The following TBXAS1 variants were observed in gnomAD, a reference collection of about 807,000 sequenced individuals.
TBXAS1 encodes thromboxane-A synthase.
A neutral mutation model predicts 60.7 loss-of-function variants in TBXAS1; 48 were observed. The observed-to-expected ratio is 0.79, with a 90% CI of 0.63 to 1.01. TBXAS1 has a LOEUF of 1.01. Ranked by LOEUF, TBXAS1 falls within the 50% of genes least tolerant of loss-of-function variation. The probability of loss-of-function intolerance (pLI) is 0.00; values close to 1 mark genes in which losing one functional copy is unlikely to be tolerated. For synonymous variants in TBXAS1, 287 were observed against 269.7 expected (o/e 1.06, Z -0.63); for missense variants, 685 against 686.3 (o/e 1.00, Z 0.02).
chr7:139,892,511 T>A (rs1803703172), intron 3 of TBXAS1, among the ~76,000 whole-genome samples: 1 of 152,056 alleles, frequency 6.6e-6, no homozygotes, highest in Non-Finnish European at 1.5e-5. Flanking sequence ...GAGAATAGCT[T>A]GAACCTGGGA....
At chr7:139,978,897 G>C (rs1034075027) in intron 9 of TBXAS1, among the ~76,000 whole-genome samples, 14 of 152,152 alleles carry the variant, frequency 9.2e-5, no homozygotes, top group African/African-American at 3.1e-4. Context: ...GGAGGCTGCA[G>C]AGAGCTATGA....
intron 3 of TBXAS1, among the ~76,000 whole-genome samples, chr7:139,892,132 T>C (rs1803666206): frequency 6.6e-6 from 1 of 152,166 alleles, no homozygotes; most frequent in African/African-American, 2.4e-5. Flanking sequence ...CTGCCTCATA[T>C]CCTACTCCCG....
At chr7:139,822,334 AG>A (rs1798321871) in intron 4 of TBXAS1, among the ~76,000 whole-genome samples, 1 of 151,776 alleles carries the variant, frequency 6.6e-6, no homozygotes, top group South Asian at 2.1e-4. Flanking sequence ...TTGCCCTGTA[AG>A]GCTGCTCTTC....
At chr7:139,887,759 C>T (rs576256354) in intron 3 of TBXAS1, among the ~76,000 whole-genome samples, 10 of 152,224 alleles carry the variant, frequency 6.6e-5, no homozygotes, top group African/African-American at 2.4e-4. Flanking sequence ...TCTTTGAGAC[C>T]CTGCTTTTAG....
At chr7:139,957,324 T>C (rs1425321273) in intron 7 of TBXAS1, among the ~76,000 whole-genome samples, 2 of 152,080 alleles carry the variant, frequency 1.3e-5, no homozygotes, top group African/African-American at 4.8e-5. Context: ...GACCTTCAGG[T>C]CTCATCCCCA....
intron 1 of TBXAS1, among the ~76,000 whole-genome samples, chr7:139,856,347 A>C (rs1800583035): frequency 6.6e-6 from 1 of 152,194 alleles, no homozygotes; most frequent in African/African-American, 2.4e-5. Flanking sequence ...TCTAGAACCA[A>C]GAAACTGCCT....
Position 140,007,155 on chromosome 7 carries a change from C to G in TBXAS1, c.1199C>G (p.Thr400Arg). The G allele has an allele frequency of 3.7e-6, 6 of 1,614,160 alleles. No homozygotes were observed. The highest frequency in any genetic ancestry group is 1.3e-5 in the African/African-American group (1 of 75,036). The change falls in exon 10 of 13, where the codon ACG becomes AGG. Residue 400 changes from threonine to arginine, a missense_variant. Thr to Arg is a moderately conservative substitution (Grantham distance 71). Transcript: ENST00000448866. ...TATCTGGACATGGTGATTGCAGAGA[C>G]GCTGAGGATGTACCCGCCAGCTTTC... The part of the protein sequence containing the change: ...LPYLDMVIAE[T>R]LRMYPPAFRF...
At chr7:139,786,875 T>C (rs1006100266) in intron 3 of TBXAS1, among the ~76,000 whole-genome samples, 20 of 152,248 alleles carry the variant, frequency 1.3e-4, no homozygotes, top group Non-Finnish European at 2.5e-4. Context: ...TTCAGCCATA[T>C]CCTAGTAGGA....
rs1054694685 is a variant in TBXAS1, at chr7:140,010,755, G to T, written c.1226+3573G>T. ...TCTGTTCCTGTCTGTTACATGAAAG[G>T]CTCATAACAGAGAGGGAGCAGCAAG... On this transcript the variant is annotated intron_variant, in intron 10 of 12. Transcript: ENST00000448866. 6.6e-5 allele frequency among the ~76,000 whole-genome samples: 10 copies of T among 152,178 alleles called. 1 individual carries two copies. The highest frequency in any genetic ancestry group is 3.9e-4 in the Admixed American group (6 of 15,272).
intron 3 of TBXAS1, among the ~76,000 whole-genome samples, chr7:139,886,269 G>T (rs80298799): frequency 0.048 from 7,248 of 151,794 alleles, 248 homozygotes; most frequent in Middle Eastern, 0.13. Context: ...ACTCTATGAA[G>T]TTTTTCCACC....
rs1381894764 is a variant in TBXAS1 at position 139,778,711 on chromosome 7, T to G, written c.-318+240T>G. On this transcript the variant is annotated intron_variant, in intron 1 of 16. Transcript: ENST00000336425. This position sits in a 1 kb window ranked among gnomAD's most constrained non-coding sequence, Gnocchi z 4.8. ...TCCCGAGGGCCGCCACTCCATCACTTGAATGGGAGCTCACAACTCTCTGGG... is the reference window on the plus strand; with the variant it reads ...TCCCGAGGGCCGCCACTCCATCACTGGAATGGGAGCTCACAACTCTCTGGG... Among the ~76,000 whole-genome samples, 2 of 152,092 alleles carry G rather than the reference T, an allele frequency of 1.3e-5. No individual in the cohort carries two copies. Among genetic ancestry groups the G allele is most frequent in the Non-Finnish European group, 2.9e-5 (2 of 68,014 alleles).
At chr7:139,789,920 C>T (rs1039824538) in intron 4 of TBXAS1, among the ~76,000 whole-genome samples, 3 of 152,166 alleles carry the variant, frequency 2.0e-5, no homozygotes, top group Admixed American at 6.5e-5. Flanking sequence ...CGTGAGCCAC[C>T]GCACCCGGCC....
At chr7:139,867,494 T>C (rs1801506429) in intron 1 of TBXAS1, among the ~76,000 whole-genome samples, 1 of 152,172 alleles carries the variant, frequency 6.6e-6, no homozygotes, top group Non-Finnish European at 1.5e-5. Flanking sequence ...GGCTAAACAA[T>C]GGGCTAAGCA....
At chr7:139,782,830 T>C (rs1797046058) in intron 3 of TBXAS1, 1 of 152,244 alleles carries the variant, frequency 6.6e-6, no homozygotes, top group Non-Finnish European at 1.5e-5. Flanking sequence ...TGTCTAATTT[T>C]CTTTTTCTCT....
chr7:139,951,956 A>G (rs1311215597), intron 5 of TBXAS1, among the ~76,000 whole-genome samples: 4 of 102,124 alleles, frequency 3.9e-5, no homozygotes, highest in Non-Finnish European at 4.1e-5. Context: ...AAAGAAAAGA[A>G]AGAAAGAAAG....
At chr7:139,783,876 T>G (rs188831283) in intron 3 of TBXAS1, among the ~76,000 whole-genome samples, 3 of 152,152 alleles carry the variant, frequency 2.0e-5, no homozygotes, top group Admixed American at 6.5e-5. Context: ...GCAAATCGCA[T>G]GCCCTTTCTT....
intron 3 of TBXAS1, among the ~76,000 whole-genome samples, chr7:139,899,604 A>T (rs1238489350): frequency 6.6e-6 from 1 of 152,256 alleles, no homozygotes; most frequent in Non-Finnish European, 1.5e-5. Flanking sequence ...TCTTAATTGC[A>T]TAGCTAAATG....
At chr7:140,009,368 A>G (rs1332576956) in intron 10 of TBXAS1, among the ~76,000 whole-genome samples, 1 of 152,192 alleles carries the variant, frequency 6.6e-6, no homozygotes, top group Non-Finnish European at 1.5e-5. Flanking sequence ...CCTACGGGTT[A>G]AATGGGGACA....
At chr7:139,957,871 C>T (rs1480610360) in intron 8 of TBXAS1, 107 bp downstream of exon 8, 3 of 1,498,680 alleles carry the variant, frequency 2.0e-6, no homozygotes, top group African/African-American at 2.8e-5. Context: ...CACACCGTGC[C>T]GTCCTTCAGC....
Sources: allele counts gnomAD v4.1 joint callset (sites outside exome capture counted in the v4.1 genomes callset), GRCh38; gene constraint gnomAD v4.1.1; non-coding constraint Gnocchi (gnomAD v3.1); transcripts MANE v1.5; gene names NCBI Gene and HGNC (gene_info 2026-07-23, HGNC 2026-07-21).